Variants in VPS53 observed in about 807,000 individuals in gnomAD.
VPS53 encodes vacuolar protein sorting-associated protein 53 homolog.
VPS53 carries 70 observed loss-of-function variants against 107.0 expected under a neutral mutation model. That is an observed-to-expected ratio of 0.65 (90% CI 0.54 to 0.80). The LOEUF (loss-of-function observed/expected upper bound fraction) is 0.80, where lower values mean the gene tolerates loss of function less well. Ranked by LOEUF, VPS53 falls within the 30% of genes least tolerant of loss-of-function variation. The probability of loss-of-function intolerance (pLI) is 0.00; values close to 1 mark genes in which losing one functional copy is unlikely to be tolerated. For synonymous variants in VPS53, 409 were observed against 393.3 expected, an observed-to-expected ratio of 1.04 and a Z score of -0.47; for missense variants, 917 against 1,049.4, an observed-to-expected ratio of 0.87 and a Z score of 1.74.
chr17:631,905 C>T (rs894549474), intron 7 of VPS53, among the ~76,000 whole-genome samples: 2 of 152,030 alleles, frequency 1.3e-5, no homozygotes, highest in African/African-American at 4.8e-5. Flanking sequence ...TACAGTTCCA[C>T]TGGGGGATAG....
intron 6 of VPS53, among the ~76,000 whole-genome samples, chr17:654,575 A>G (rs1379374160): frequency 2.0e-5 from 3 of 151,760 alleles, no homozygotes; most frequent in Admixed American, 6.6e-5. Flanking sequence ...CGTCTCTACT[A>G]AAAATACAAA....
At chr17:677,536 GGTA>G (rs1442011888) in intron 4 of VPS53, among the ~76,000 whole-genome samples, 2 of 151,990 alleles carry the variant, frequency 1.3e-5, no homozygotes, top group Non-Finnish European at 2.9e-5. Context: ...CAGAAATAGT[GGTA>G]GTGGTGGTTG....
intron 12 of VPS53, among the ~76,000 whole-genome samples, chr17:598,709 G>A (rs1185262826): frequency 4.2e-4 from 50 of 119,092 alleles, no homozygotes; most frequent in African/African-American, 1.4e-3. Context: ...GAGAAGTGAG[G>A]AGACCCTCTG....
At chr17:644,720 A>C (rs1359522374) in intron 7 of VPS53, among the ~76,000 whole-genome samples, 1 of 152,040 alleles carries the variant, frequency 6.6e-6, no homozygotes, top group Non-Finnish European at 1.5e-5. Flanking sequence ...AGTAACTGGA[A>C]CCACAGGCAC....
At chr17:584,312 G>A (rs1326505171) in intron 13 of VPS53, among the ~76,000 whole-genome samples, 5 of 152,152 alleles carry the variant, frequency 3.3e-5, no homozygotes, top group Admixed American at 6.5e-5. Context: ...GGACAAGGAC[G>A]CAGGGATGAG....
intron 11 of VPS53, among the ~76,000 whole-genome samples, chr17:605,836 C>T (rs943199965): frequency 6.6e-6 from 1 of 151,690 alleles, no homozygotes; most frequent in Non-Finnish European, 1.5e-5. Context: ...GTGGCGGGAG[C>T]CCCATCACGC....
intron 17 of VPS53, among the ~76,000 whole-genome samples, chr17:543,403 A>T (rs1910860417): frequency 1.3e-5 from 2 of 152,212 alleles, no homozygotes; most frequent in South Asian, 4.1e-4. Flanking sequence ...GACGGTAAGA[A>T]AATTTAATTT....
intron 4 of VPS53, among the ~76,000 whole-genome samples, chr17:668,924 A>G (rs1001591470): frequency 1.3e-5 from 2 of 152,182 alleles, no homozygotes; most frequent in African/African-American, 4.8e-5. Context: ...TAAGACTCAC[A>G]CAATCTTACA....
At position 653,341 on chromosome 17, in the gene VPS53, C is replaced by T. The variant is rs753191272; in HGVS notation, c.558G>A (p.Glu186=). The T allele has an allele frequency of 3.1e-6, 5 of 1,614,128 alleles. No homozygotes were observed. Among genetic ancestry groups the T allele is most frequent in the Non-Finnish European group, 4.2e-6 (5 of 1,180,066 alleles). Residue 186 remains glutamate (E), a synonymous_variant, in exon 7 of 22, where the codon GAG becomes GAA. Transcript: ENST00000437048. ...NLLQGVMNVL[E]HFHKYMGIPQ... ...GAATCCCCATATACTTGTGGAAGTGCTCCAGGACATTCATCACACCCTGAA... is the reference window on the plus strand; with the variant it reads ...GAATCCCCATATACTTGTGGAAGTGTTCCAGGACATTCATCACACCCTGAA...
chr17:617,459 T>C lies in VPS53; in HGVS notation c.1116+6074A>G, dbSNP rs968698590. 1.2e-4 allele frequency among the ~76,000 whole-genome samples: 18 copies of C among 152,372 alleles called. 1 individual carries two copies. The highest frequency in any genetic ancestry group is 4.3e-4 in the African/African-American group (18 of 41,590). The stretch of plus-strand genomic sequence containing the variant: ...CTTTGTCACCCAGACTGGAGTGCAG[T>C]GGTGCAATCTCAGTTCATTGCAACC... On this transcript the variant is annotated intron_variant, in intron 11 of 21. Transcript: ENST00000437048.
rs75734661 is a variant in VPS53 at position 548,083 on chromosome 17, C to T, written c.1866+3789G>A. Among the ~76,000 whole-genome samples the T allele has an allele frequency of 0.019, 2,841 of 152,184 alleles. 116 individuals carry two copies. In the East Asian group the frequency reaches 0.2, roughly 11 times the overall value. On this transcript the variant is annotated intron_variant, in intron 17 of 21. Transcript: ENST00000437048. Reference sequence around the variant, plus strand: ...ATAAAATGAGAAAAGGCATGGAAGCCGCAAAAGAGCAATATGCATTCAGGG... The same window carrying T: ...ATAAAATGAGAAAAGGCATGGAAGCTGCAAAAGAGCAATATGCATTCAGGG...
At chr17:693,204 T>C (rs928830635) in intron 4 of VPS53, among the ~76,000 whole-genome samples, 2 of 152,186 alleles carry the variant, frequency 1.3e-5, no homozygotes, top group African/African-American at 2.4e-5. Context: ...ATCTCGGCTA[T>C]TACATACAGC....
intron 4 of VPS53, among the ~76,000 whole-genome samples, chr17:662,689 G>GAAAGA (rs1161854975): frequency 1.4e-5 from 2 of 139,992 alleles, no homozygotes; most frequent in African/African-American, 2.7e-5. Flanking sequence ...ACTCCAAAAG[G>GAAAGA]AAAGAAAAGA....
chr17:653,248 A>G (rs1450759180), intron 7 of VPS53, 43 bp downstream of exon 7: 1 of 1,595,010 alleles, frequency 6.3e-7, no homozygotes, highest in African/African-American at 1.4e-5. Flanking sequence ...AAGCTGCCGG[A>G]TCTGCGGAAT....
rs370178964 is a variant in VPS53, at chr17:620,414, G to A, written c.1116+3119C>T. Reference sequence around the variant, plus strand: ...ACCAGAAGGGTAGGAGCTAGAGAAGGTGGCAGAGGTGAAGGTTGAACAAGT... The same window carrying A: ...ACCAGAAGGGTAGGAGCTAGAGAAGATGGCAGAGGTGAAGGTTGAACAAGT... On this transcript the variant is annotated intron_variant, in intron 11 of 21. Transcript: ENST00000437048. Among the ~76,000 whole-genome samples, 4 of 152,208 alleles carry A rather than the reference G, an allele frequency of 2.6e-5. No individual in the cohort carries two copies. The East Asian group carries it at 7.7e-4, about 29-fold the overall frequency.
chr17:689,716 C>T (rs781098211), intron 4 of VPS53, among the ~76,000 whole-genome samples: 3 of 152,054 alleles, frequency 2.0e-5, no homozygotes, highest in South Asian at 4.1e-4. Flanking sequence ...TCAGGCGATC[C>T]GCCCACCTCC....
chr17:575,161 T>C (rs1485176575), intron 13 of VPS53, among the ~76,000 whole-genome samples: 7 of 152,244 alleles, frequency 4.6e-5, no homozygotes, highest in South Asian at 2.1e-4. Context: ...ATGGAGAAGC[T>C]ACTGGGCAAG....
intron 7 of VPS53, among the ~76,000 whole-genome samples, chr17:636,216 TTGTC>T (rs1231590167): frequency 6.6e-6 from 1 of 152,226 alleles, no homozygotes; most frequent in Non-Finnish European, 1.5e-5. Context: ...GGCTCTCTGT[TTGTC>T]TGTTATTGGT....
chr17:667,833 T>C (rs1971762267), intron 4 of VPS53, among the ~76,000 whole-genome samples: 1 of 152,130 alleles, frequency 6.6e-6, no homozygotes, highest in African/African-American at 2.4e-5. Flanking sequence ...AGCATGATCT[T>C]CTGAGCTCCC....
Sources: allele counts gnomAD v4.1 joint callset (sites outside exome capture counted in the v4.1 genomes callset), GRCh38; gene constraint gnomAD v4.1.1; transcripts MANE v1.5; gene names NCBI Gene and HGNC (gene_info 2026-07-23, HGNC 2026-07-21).